Variants in TMEM181 observed in about 807,000 individuals in gnomAD.
The protein encoded by TMEM181 is G protein-coupled receptor 178.
A neutral mutation model predicts 71.9 loss-of-function variants in TMEM181; 39 were observed. The observed-to-expected ratio is 0.54, with a 90% confidence interval of 0.42 to 0.71. The LOEUF (loss-of-function observed/expected upper bound fraction) is 0.71, where lower values mean the gene tolerates loss of function less well. TMEM181 is among the 30% of genes least tolerant of loss of function. TMEM181 has a pLI of 0.00. For missense variants in TMEM181, 595 were observed against 583.0 expected (o/e 1.02, Z -0.21); for synonymous variants, 245 against 228.8 (o/e 1.07, Z -0.64).
At position 158,634,601 on chromosome 6, in the gene TMEM181, A is replaced by T. The variant is rs1786838379; in HGVS notation, c.*2713A>T. On this transcript the variant is annotated 3_prime_UTR_variant, in exon 17 of 17. Coordinates refer to ENST00000684151, the MANE Select transcript of TMEM181 (RefSeq NM_001376852.1). ...GATAAGTCTGCTTGATTTATTATTAAATCATTATAGCAGTGAAGTGGTGCC... is the reference window on the plus strand; with the variant it reads ...GATAAGTCTGCTTGATTTATTATTATATCATTATAGCAGTGAAGTGGTGCC... 1.3e-5 allele frequency: 2 copies of T among 152,166 alleles called. No individual in the cohort carries two copies. Among genetic ancestry groups the T allele is most frequent in the Admixed American group, 1.3e-4 (2 of 15,272 alleles). 9.4% of individuals were successfully genotyped at this position (152,166 alleles called of 1,614,324 possible). A position where few individuals can be genotyped will look rare whatever the true frequency, so the allele number is the denominator to read the frequency against.
At chr6:158,560,893 T>A (rs1562620280) in intron 1 of TMEM181, among the ~76,000 whole-genome samples, 1 of 152,090 alleles carries the variant, frequency 6.6e-6, no homozygotes, top group East Asian at 1.9e-4. Context: ...GTGGACGCCA[T>A]CCCTAAAGCT....
chr6:158,618,481 A>G (rs1785752109), intron 10 of TMEM181, among the ~76,000 whole-genome samples: 1 of 152,182 alleles, frequency 6.6e-6, no homozygotes, highest in Non-Finnish European at 1.5e-5. Flanking sequence ...TGGGGCATTT[A>G]GCCCATTTAC....
rs1784000191 is a variant in TMEM181, at chr6:158,589,762, A to G, written c.472A>G (p.Ile158Val). 2.5e-6 allele frequency: 4 copies of G among 1,613,594 alleles called. No homozygotes were observed. The highest frequency in any genetic ancestry group is 2.5e-6 in the Non-Finnish European group (3 of 1,179,596). ...GGGATTTGAACACCTGAAGCTCCCC[A>G]TCAAGGGAATGAACTTCACAGTAAG... ...IVGFEHLKLP[I>V]KGMNFTWKTY... is the part of the protein sequence containing the mutation. The change falls in exon 6 of 17, where the codon ATC becomes GTC. Residue 158 changes from isoleucine to valine, a missense_variant. Transcript: ENST00000684151.
At chr6:158,567,394 G>A (rs995961170) in intron 1 of TMEM181, among the ~76,000 whole-genome samples, 1 of 152,242 alleles carries the variant, frequency 6.6e-6, no homozygotes, top group African/African-American at 2.4e-5. Flanking sequence ...TGGAAGTTGA[G>A]TTTGGTAGAT....
chr6:158,599,639 C>T (rs182285432), intron 6 of TMEM181, among the ~76,000 whole-genome samples: 1,531 of 152,362 alleles, frequency 0.01, 10 homozygotes, highest in Non-Finnish European at 0.017. Context: ...GCAGTGCCCA[C>T]GGGACGGAAC....
In TMEM181 at chr6:158,608,410, C is replaced by T; in HGVS notation, c.751C>T (p.Leu251=). The change falls in exon 9 of 17, where the codon CTG becomes TTG. Residue 251 remains leucine (L), a synonymous_variant. Transcript: ENST00000684151. ...GGATGACCTCTTTCAGTCCATGTTCCTGTGCGCCCTGCTGCTCTTCTGGCT... is the reference window on the plus strand; with the variant it reads ...GGATGACCTCTTTCAGTCCATGTTCTTGTGCGCCCTGCTGCTCTTCTGGCT... The part of the protein sequence containing the change: ...MLDDLFQSMF[L]CALLLFWLCV... The T allele has an allele frequency of 6.2e-7, 1 of 1,614,250 alleles. No individual in the cohort carries two copies. Among genetic ancestry groups the T allele is most frequent in the Non-Finnish European group, 8.5e-7 (1 of 1,180,046 alleles).
rs1786888262 is a variant in TMEM181 at position 158,635,168 on chromosome 6, AT to A, written c.*3284del. The A allele has an allele frequency of 6.6e-6, 1 of 152,224 alleles. No homozygotes were observed. Among genetic ancestry groups the A allele is most frequent in the Non-Finnish European group, 1.5e-5 (1 of 68,048 alleles). The allele number at this position is 152,224 out of a possible 1,614,324, so 9.4% of individuals were successfully genotyped here. On this transcript the variant is annotated 3_prime_UTR_variant, in exon 17 of 17. Transcript: ENST00000684151. Reference sequence around the variant, plus strand: ...TGATACCATACTATAAAACAGAAGAATTTTCTGCTACTAAAAACTGCCTTTT... The same window carrying A: ...TGATACCATACTATAAAACAGAAGAATTTCTGCTACTAAAAACTGCCTTTT...
upstream of TMEM181, among the ~76,000 whole-genome samples, chr6:158,555,521 T>G (rs1009979167): frequency 6.6e-6 from 1 of 150,568 alleles, no homozygotes; most frequent in Non-Finnish European, 1.5e-5. Flanking sequence ...CAGAAAAAAA[T>G]AGAGATAGAG....
At chr6:158,583,229 G>A (rs900249099) in intron 3 of TMEM181, among the ~76,000 whole-genome samples, 5 of 152,182 alleles carry the variant, frequency 3.3e-5, no homozygotes, top group South Asian at 2.1e-4. Flanking sequence ...CTAGACTCCC[G>A]TCTCAAAAAA....
At chr6:158,614,254 A>G (rs1437260768) in intron 10 of TMEM181, among the ~76,000 whole-genome samples, 1 of 152,220 alleles carries the variant, frequency 6.6e-6, no homozygotes, top group Non-Finnish European at 1.5e-5. Flanking sequence ...CCTGTTAAAT[A>G]TGTTGAAAAT....
upstream of TMEM181, among the ~76,000 whole-genome samples, chr6:158,556,629 C>T (rs578099532): frequency 7.2e-5 from 11 of 152,210 alleles, 1 homozygote; most frequent in South Asian, 1.9e-3. Context: ...CAGATGTCCT[C>T]GCAAAAGTGT....
At chr6:158,586,775 C>T (rs1783797126) in intron 5 of TMEM181, among the ~76,000 whole-genome samples, 1 of 152,124 alleles carries the variant, frequency 6.6e-6, no homozygotes, top group Non-Finnish European at 1.5e-5. Context: ...AGTCAGCTTC[C>T]AAAGTGTATT....
rs1010697701 is a variant in TMEM181, at chr6:158,536,703, C to A, written c.-32C>A. ...GCAGGCGGCGACACAAAGGGTGGAG[C>A]GGCGGGACCGGGACCCGGGAGGCTG... On this transcript the variant is annotated 5_prime_UTR_variant, in exon 1 of 17. Coordinates refer to the TMEM181 transcript ENST00000367090. The A allele has an allele frequency of 3.9e-6, 6 of 1,541,404 alleles. No homozygotes were observed. The African/African-American group carries it at 8.4e-5, about 22-fold the overall frequency.
rs542517785 is a variant in TMEM181 at position 158,595,040 on chromosome 6, T to G, written c.492+5258T>G. Among the ~76,000 whole-genome samples, 28 of 152,340 alleles carry G rather than the reference T, an allele frequency of 1.8e-4. 1 individual carries two copies. In the South Asian group the frequency reaches 5.4e-3, roughly 29 times the overall value. On this transcript the variant is annotated intron_variant, in intron 6 of 16. Coordinates refer to ENST00000684151, the MANE Select transcript of TMEM181 (RefSeq NM_001376852.1). ...CAAAAACAGAATTTCTTTGGCTATT[T>G]GTTATAATGCCTTTTCTTAGAGAGT...
chr6:158,576,056 G>A (rs968287276), intron 2 of TMEM181, among the ~76,000 whole-genome samples: 5 of 152,226 alleles, frequency 3.3e-5, no homozygotes, highest in Non-Finnish European at 7.3e-5. Context: ...AGATGGTGGA[G>A]TAGGAATCGA....
intron 6 of TMEM181, among the ~76,000 whole-genome samples, chr6:158,599,494 A>G (rs1481534110): frequency 6.6e-6 from 1 of 152,254 alleles, no homozygotes; most frequent in Non-Finnish European, 1.5e-5. Context: ...ATTTTCTGGG[A>G]ACTGTACTCT....
chr6:158,601,780 G>C (rs62437846), intron 6 of TMEM181, among the ~76,000 whole-genome samples: 5 of 151,308 alleles, frequency 3.3e-5, no homozygotes, highest in African/African-American at 1.2e-4. Flanking sequence ...AAAAAACAAG[G>C]CTAAAAGGAT....
At chr6:158,595,742 C>T (rs549113280) in intron 6 of TMEM181, among the ~76,000 whole-genome samples, 1 of 152,152 alleles carries the variant, frequency 6.6e-6, no homozygotes, top group Admixed American at 6.5e-5. Flanking sequence ...TGAACCTGTG[C>T]TGTTGAATCA....
intron 1 of TMEM181, among the ~76,000 whole-genome samples, chr6:158,539,698 G>C (rs1781267590): frequency 6.6e-6 from 1 of 152,202 alleles, no homozygotes; most frequent in African/African-American, 2.4e-5. Context: ...GCAGCTATGT[G>C]ATCAAAGGAC....
Sources: gnomAD v4.1 joint callset for allele counts (sites outside exome capture counted in the v4.1 genomes callset) on GRCh38, gnomAD v4.1.1 for gene constraint, MANE v1.5 for transcripts, NCBI Gene and HGNC (gene_info 2026-07-23, HGNC 2026-07-21) for gene names.